MORC3: variants seen among roughly 807,000 people sequenced by gnomAD.
MORC3 encodes the protein MORC family CW-type zinc finger 3.
MORC3 carries 31 observed loss-of-function variants against 109.1 expected under a neutral mutation model. The ratio of observed to expected loss-of-function variants is 0.28; its 90% CI spans 0.21 to 0.38. The LOEUF (loss-of-function observed/expected upper bound fraction) is 0.38. Among genes scored for constraint, MORC3 ranks in the 10% least tolerant of loss-of-function variants. MORC3 has a pLI of 1.00. For synonymous variants in MORC3, 395 were observed against 380.7 expected, an observed-to-expected ratio of 1.04 and a Z score of -0.44; for missense variants, 867 against 1,135.8, an observed-to-expected ratio of 0.76 and a Z score of 3.40.
At chr21:36,357,801 C>T (rs2085662438) in intron 10 of MORC3, among the ~76,000 whole-genome samples, 1 of 144,962 alleles carries the variant, frequency 6.9e-6, no homozygotes, top group South Asian at 2.2e-4. Context: ...AGTGCAGTGG[C>T]GCAATCTCAG....
chr21:36,360,181 T>C lies in MORC3; in HGVS notation c.1332-3T>C. 1 of 1,614,120 alleles carries C rather than the reference T, an allele frequency of 6.2e-7. No individual in the cohort carries two copies. The highest frequency in any genetic ancestry group is 8.5e-7 in the Non-Finnish European group (1 of 1,180,002). Reference sequence around the variant, plus strand: ...GTTATTCCTATGTGATTTTTCTGAATAGAAATTGTGAGGTTCCAGAAGAAC... The same window carrying C: ...GTTATTCCTATGTGATTTTTCTGAACAGAAATTGTGAGGTTCCAGAAGAAC... On this transcript the variant is annotated splice_region_variant and splice_polypyrimidine_tract_variant and intron_variant, in intron 11 of 16. Coordinates refer to ENST00000400485, the MANE Select transcript of MORC3 (RefSeq NM_015358.3).
At chr21:36,351,261 G>T (rs528920378) in intron 9 of MORC3, among the ~76,000 whole-genome samples, 1 of 151,902 alleles carries the variant, frequency 6.6e-6, no homozygotes, top group South Asian at 2.1e-4. Flanking sequence ...TAGAGATGGG[G>T]TTTACTATTT....
In MORC3 at chr21:36,325,174, C is replaced by G. The variant is rs78068959; in HGVS notation, c.39+4871C>G. 5.1e-3 allele frequency among the ~76,000 whole-genome samples: 770 copies of G among 152,204 alleles called. 7 individuals carry two copies. The highest frequency in any genetic ancestry group is 0.018 in the African/African-American group (753 of 41,530). ...ATTTGTAGACCATAAAAAATGGGAA[C>G]TGTTGGACCATAAGTATATTTTTAA... On this transcript the variant is annotated intron_variant, in intron 1 of 16. Transcript: ENST00000400485.
intron 12 of MORC3, among the ~76,000 whole-genome samples, 171 bp downstream of exon 12, chr21:36,360,429 A>T (rs552217451): frequency 1.3e-5 from 2 of 152,290 alleles, no homozygotes; most frequent in Admixed American, 1.3e-4. Flanking sequence ...TGCTGTGGAT[A>T]CCTGCTGTTT....
chr21:36,366,975 G>A (rs1171107575), intron 14 of MORC3, among the ~76,000 whole-genome samples: 2 of 152,110 alleles, frequency 1.3e-5, no homozygotes, highest in African/African-American at 2.4e-5. Flanking sequence ...ACCAGTTTAC[G>A]CCACAGGTCC....
At chr21:36,328,659 T>C (rs1042924671) in intron 1 of MORC3, among the ~76,000 whole-genome samples, 17 of 151,998 alleles carry the variant, frequency 1.1e-4, no homozygotes, top group Non-Finnish European at 4.4e-5. Flanking sequence ...GTATTTTTAA[T>C]AGAGACAGGG....
Position 36,369,815 on chromosome 21 carries a change from T to C in MORC3, c.2447T>C (p.Leu816Pro). The C allele has an allele frequency of 6.2e-7, 1 of 1,614,110 alleles. No homozygotes were observed. The highest frequency in any genetic ancestry group is 8.5e-7 in the Non-Finnish European group (1 of 1,180,046). ...KSEMDEMAVQ[L>P]DDVFRQLDKC... The stretch of plus-strand genomic sequence containing the variant: ...GAAATGGATGAGATGGCTGTGCAGC[T>C]TGACGATGTGTTTAGACAACTGGAC... The change falls in exon 15 of 17, where the codon CTT becomes CCT. Residue 816 changes from leucine to proline, a missense_variant. This residue lies in a region of MORC3 where 486 missense variants were observed against 502.1 expected (regional missense o/e 0.97). Coordinates refer to ENST00000400485, the MANE Select transcript of MORC3 (RefSeq NM_015358.3).
chr21:36,349,420 A>G lies in MORC3; in HGVS notation c.1103+12A>G. 1.3e-6 allele frequency: 2 copies of G among 1,496,464 alleles called. No homozygotes were observed. Among genetic ancestry groups the G allele is most frequent in the South Asian group, 1.2e-5 (1 of 80,060 alleles). The allele number at this position is 1,496,464 out of a possible 1,614,324, so 92.7% of individuals were successfully genotyped here. Reference sequence around the variant, plus strand: ...ACTAATGAGTACAGGTATGTTACCTATTTAAATTATTGACTGAGGTTCCTA... The same window carrying G: ...ACTAATGAGTACAGGTATGTTACCTGTTTAAATTATTGACTGAGGTTCCTA... On this transcript the variant is annotated intron_variant, in intron 9 of 16. Coordinates refer to ENST00000400485, the MANE Select transcript of MORC3 (RefSeq NM_015358.3).
At chr21:36,323,886 T>C (rs1296084288) in intron 1 of MORC3, among the ~76,000 whole-genome samples, 1 of 152,298 alleles carries the variant, frequency 6.6e-6, no homozygotes, top group Non-Finnish European at 1.5e-5. Flanking sequence ...AGTGTTTTTT[T>C]TTTTTAGAGA....
chr21:36,328,065 C>G (rs1199265769), intron 1 of MORC3, among the ~76,000 whole-genome samples: 1 of 151,742 alleles, frequency 6.6e-6, no homozygotes, highest in Non-Finnish European at 1.5e-5. Context: ...TTAGTAGAGA[C>G]GGGGTTTCAC....
rs760996853 is a variant in MORC3 at position 36,320,241 on chromosome 21, T to A, written c.-24T>A. 18 of 1,577,734 alleles carry A rather than the reference T, an allele frequency of 1.1e-5. No individual in the cohort carries two copies. Among genetic ancestry groups the A allele is most frequent in the Middle Eastern group, 1.7e-4 (1 of 6,014 alleles). Reference sequence around the variant, plus strand: ...CCAGTCGGGTTGCGGCGGAGGCCGTTCCTGGCTTTGTAGCTCGCTCAAGAT... The same window carrying A: ...CCAGTCGGGTTGCGGCGGAGGCCGTACCTGGCTTTGTAGCTCGCTCAAGAT... On this transcript the variant is annotated 5_prime_UTR_variant, in exon 1 of 17. Coordinates refer to ENST00000400485, the MANE Select transcript of MORC3 (RefSeq NM_015358.3).
At chr21:36,331,967 C>T (rs1344421482) in intron 1 of MORC3, among the ~76,000 whole-genome samples, 2 of 151,718 alleles carry the variant, frequency 1.3e-5, no homozygotes, top group Non-Finnish European at 2.9e-5. Context: ...CAGTGAGACT[C>T]CTGTCTCTAC....
chr21:36,324,706 A>ATTT (rs1215853489), intron 1 of MORC3, among the ~76,000 whole-genome samples: 1 of 125,200 alleles, frequency 8.0e-6, no homozygotes, highest in Non-Finnish European at 1.7e-5. Context: ...CAGCCTTCTC[A>ATTT]TTTTTTTTTT....
At chr21:36,331,965 C>G (rs1465319205) in intron 1 of MORC3, among the ~76,000 whole-genome samples, 2 of 151,870 alleles carry the variant, frequency 1.3e-5, no homozygotes, top group Admixed American at 6.6e-5. Context: ...CACAGTGAGA[C>G]TCCTGTCTCT....
intron 3 of MORC3, 21 bp downstream of exon 3, chr21:36,337,027 C>T: frequency 1.2e-6 from 2 of 1,601,098 alleles, no homozygotes; most frequent in South Asian, 1.1e-5. Flanking sequence ...ATGTGCCACA[C>T]TTCTTAAAAT....
At chr21:36,362,086 A>T in intron 12 of MORC3, 97 bp from the exon 13 acceptor site, 1 of 1,216,910 alleles carries the variant, frequency 8.2e-7, no homozygotes, top group Non-Finnish European at 1.2e-6. Context: ...AAATAGAAGC[A>T]GAGTTCAGAG....
rs2085832572 is a variant in MORC3 at position 36,369,762 on chromosome 21, C to T, written c.2394C>T (p.Ser798=). The stretch of plus-strand genomic sequence containing the variant: ...TGCAACATGTAAAGGCTGAATGCAG[C>T]CAGTGTTCCAATAATGAGAGTAAAA... The part of the protein sequence containing the change: ...SALQHVKAEC[S]QCSNNESKSE... Residue 798 remains serine (S), a synonymous_variant, in exon 15 of 17, where the codon AGC becomes AGT. Transcript: ENST00000400485. 1 of 1,614,118 alleles carries T rather than the reference C, an allele frequency of 6.2e-7. No homozygotes were observed. The highest frequency in any genetic ancestry group is 8.5e-7 in the Non-Finnish European group (1 of 1,180,034).
chr21:36,321,673 C>G lies in MORC3; in HGVS notation c.39+1370C>G, dbSNP rs962358059. Among the ~76,000 whole-genome samples the G allele has an allele frequency of 6.6e-5, 10 of 151,768 alleles. No homozygotes were observed. In the East Asian group the frequency reaches 1.5e-3, roughly 23 times the overall value. ...AGTCTGGCCTTACCTAGTTTAAAAT[C>G]TCTATTCTCTCTCCCTCCCTTTTCC... On this transcript the variant is annotated intron_variant, in intron 1 of 16. Coordinates refer to ENST00000400485, the MANE Select transcript of MORC3 (RefSeq NM_015358.3).
At chr21:36,328,281 A>G (rs1453689829) in intron 1 of MORC3, among the ~76,000 whole-genome samples, 1 of 146,884 alleles carries the variant, frequency 6.8e-6, no homozygotes, top group African/African-American at 2.5e-5. Flanking sequence ...AATCTTTGGT[A>G]TTTCCTGATA....
Sources: gnomAD v4.1 joint callset for allele counts (sites outside exome capture counted in the v4.1 genomes callset) on GRCh38, gnomAD v4.1.1 for gene constraint, gnomAD v4.1.1 regional missense constraint, MANE v1.5 for transcripts, NCBI Gene and HGNC (gene_info 2026-07-23, HGNC 2026-07-21) for gene names.